The following MACROD2 variants were observed in gnomAD, a reference collection of about 807,000 sequenced individuals.
The protein encoded by MACROD2 is mono-ADP ribosylhydrolase 2, also known as ADP-ribose glycohydrolase MACROD2.
A neutral mutation model predicts 70.4 loss-of-function variants in MACROD2; 36 were observed. The observed-to-expected ratio is 0.51, with a 90% CI of 0.39 to 0.68. MACROD2 has a LOEUF of 0.68. Ranked by LOEUF, MACROD2 falls within the 30% of genes least tolerant of loss-of-function variation. MACROD2 has a pLI of 0.00. For synonymous variants in MACROD2, 172 were observed against 178.8 expected (o/e 0.96, Z 0.30); for missense variants, 496 against 538.4 (o/e 0.92, Z 0.78).
intron 5 of MACROD2, among the ~76,000 whole-genome samples, chr20:15,131,245 A>G (rs920069091): frequency 6.6e-6 from 1 of 152,126 alleles, no homozygotes; most frequent in African/African-American, 2.4e-5. Context: ...TGAAGAACTA[A>G]ATCTGTAGAA....
At chr20:15,082,785 C>T (rs753419243) in intron 5 of MACROD2, among the ~76,000 whole-genome samples, 2 of 151,836 alleles carry the variant, frequency 1.3e-5, no homozygotes, top group Admixed American at 6.6e-5. Flanking sequence ...CTTTTCTGTT[C>T]GCATTCTCTC....
chr20:15,370,817 A>G (rs758488060), intron 6 of MACROD2, among the ~76,000 whole-genome samples: 2 of 152,052 alleles, frequency 1.3e-5, no homozygotes, highest in Non-Finnish European at 2.9e-5. Context: ...ATCAGAACAC[A>G]GGCAAAAAGA....
At chr20:15,202,492 G>T (rs978505073) in intron 5 of MACROD2, among the ~76,000 whole-genome samples, 1 of 152,048 alleles carries the variant, frequency 6.6e-6, no homozygotes, top group Admixed American at 6.6e-5. Flanking sequence ...CTCAGCCCAT[G>T]GTTTTTACAC....
intron 4 of MACROD2, among the ~76,000 whole-genome samples, chr20:14,668,557 A>G (rs1871712544): frequency 6.6e-6 from 1 of 152,120 alleles, no homozygotes; most frequent in African/African-American, 2.4e-5. Flanking sequence ...CCATTGGCAA[A>G]TGACTACTTT....
At position 15,207,436 on chromosome 20, in the gene MACROD2, G is replaced by GTTTTTTTTTT. The variant is rs548522491; in HGVS notation, c.419-22492_419-22483dup. On this transcript the variant is annotated intron_variant, in intron 5 of 17. Coordinates refer to ENST00000684519, the MANE Select transcript of MACROD2 (RefSeq NM_001351661.2). ...TCTTTTGTTTGTTTGTTTGTTTCTG[G>GTTTTTTTTTT]TTTTTTTTTTTTTTTTTTTTTCAGA... Among the ~76,000 whole-genome samples the GTTTTTTTTTT allele has an allele frequency of 1.8e-4, 15 of 84,588 alleles. 1 individual carries two copies. Among genetic ancestry groups the GTTTTTTTTTT allele is most frequent in the African/African-American group, 3.9e-4 (7 of 17,812 alleles). 55.5% of individuals were successfully genotyped at this position (84,588 alleles called of 152,430 possible).
intron 3 of MACROD2, chr20:14,337,711 C>CA (rs1333361460): frequency 5.1e-6 from 2 of 393,584 alleles, no homozygotes; most frequent in African/African-American, 4.1e-5. Context: ...AGATCTTGTT[C>CA]AGTGAGGTAA....
chr20:14,389,806 GGCAAA>G (rs1169691740), intron 3 of MACROD2, among the ~76,000 whole-genome samples: 1 of 152,050 alleles, frequency 6.6e-6, no homozygotes, highest in African/African-American at 2.4e-5. Context: ...ATACTGAATG[GGCAAA>G]AGCTGGAAGC....
intron 5 of MACROD2, among the ~76,000 whole-genome samples, chr20:14,763,185 C>T (rs1212166450): frequency 6.6e-6 from 1 of 150,902 alleles, no homozygotes; most frequent in African/African-American, 2.4e-5. Flanking sequence ...TCTGTATTTT[C>T]AAAACTCCTT....
At chr20:14,234,082 C>G (rs1326697896) in intron 3 of MACROD2, among the ~76,000 whole-genome samples, 1 of 152,146 alleles carries the variant, frequency 6.6e-6, no homozygotes, top group Admixed American at 6.5e-5. Flanking sequence ...ATTGGTAAAT[C>G]AGTTGTAACA....
At chr20:15,096,951 A>G (rs2075838140) in intron 5 of MACROD2, among the ~76,000 whole-genome samples, 1 of 151,460 alleles carries the variant, frequency 6.6e-6, no homozygotes, top group African/African-American at 2.4e-5. Context: ...AGAGGGAATT[A>G]CAGGTGCTCG....
intron 3 of MACROD2, among the ~76,000 whole-genome samples, chr20:14,116,940 A>G (rs1441812441): frequency 1.3e-5 from 2 of 151,732 alleles, no homozygotes; most frequent in East Asian, 3.9e-4. Flanking sequence ...GGTGGCATGC[A>G]CCTGTAGTCC....
chr20:15,792,830 T>G (rs2063637097), intron 8 of MACROD2, among the ~76,000 whole-genome samples: 1 of 152,198 alleles, frequency 6.6e-6, no homozygotes, highest in Non-Finnish European at 1.5e-5. Context: ...TATTCAATAG[T>G]ATATTCACAC....
chr20:14,454,053 C>T (rs889214505), intron 3 of MACROD2, among the ~76,000 whole-genome samples: 1 of 151,956 alleles, frequency 6.6e-6, no homozygotes, highest in Non-Finnish European at 1.5e-5. Flanking sequence ...ATGATAGTGT[C>T]TATTTTACTG....
intron 5 of MACROD2, among the ~76,000 whole-genome samples, chr20:15,139,721 G>A (rs1005939726): frequency 1.3e-5 from 2 of 152,180 alleles, no homozygotes; most frequent in Non-Finnish European, 2.9e-5. Context: ...ACCTAGGAGA[G>A]CAGGTGTTGG....
At chr20:14,089,781 A>C (rs1167689863) in intron 3 of MACROD2, among the ~76,000 whole-genome samples, 1 of 152,242 alleles carries the variant, frequency 6.6e-6, no homozygotes, top group Non-Finnish European at 1.5e-5. Flanking sequence ...TGAAATAATG[A>C]TAGAAAAGAC....
At chr20:14,667,884 G>C (rs1449612792) in intron 4 of MACROD2, among the ~76,000 whole-genome samples, 1 of 152,106 alleles carries the variant, frequency 6.6e-6, no homozygotes, top group Non-Finnish European at 1.5e-5. Context: ...GCTGGGGGGT[G>C]GTGGCTCACA....
intron 12 of MACROD2, among the ~76,000 whole-genome samples, chr20:15,949,522 G>A (rs1327433901): frequency 6.6e-6 from 1 of 152,132 alleles, no homozygotes; most frequent in Non-Finnish European, 1.5e-5. Context: ...CACCAGTTGA[G>A]TATTGAAAAG....
At chr20:15,164,432 G>A (rs2076369209) in intron 5 of MACROD2, among the ~76,000 whole-genome samples, 1 of 152,028 alleles carries the variant, frequency 6.6e-6, no homozygotes, top group African/African-American at 2.4e-5. Flanking sequence ...AGGAACAACT[G>A]TAATTTATTG....
At chr20:15,088,088 G>A (rs531503633) in intron 5 of MACROD2, among the ~76,000 whole-genome samples, 28 of 151,910 alleles carry the variant, frequency 1.8e-4, no homozygotes, top group African/African-American at 6.7e-4. Flanking sequence ...TTAAAACATT[G>A]CAAATTAATC....
Sources: gnomAD v4.1 joint callset for allele counts (sites outside exome capture counted in the v4.1 genomes callset) on GRCh38, gnomAD v4.1.1 for gene constraint, MANE v1.5 for transcripts, NCBI Gene and HGNC (gene_info 2026-07-23, HGNC 2026-07-21) for gene names.